YWHAZ: variants seen among roughly 807,000 people sequenced by gnomAD.
YWHAZ encodes the protein 14-3-3 protein zeta/delta.
For synonymous variants in YWHAZ, 87 were observed against 103.6 expected (o/e 0.84, Z 0.97); for missense variants, 79 against 284.8 (o/e 0.28, Z 5.20).
At chr8:100,942,073 G>C (rs2130301742) in intron 2 of YWHAZ, among the ~76,000 whole-genome samples, 1 of 152,240 alleles carries the variant, frequency 6.6e-6, no homozygotes, top group African/African-American at 2.4e-5. Flanking sequence ...ATTTGGGGAA[G>C]GAAGGCTCAC....
intron 2 of YWHAZ, among the ~76,000 whole-genome samples, chr8:100,946,444 G>C (rs529755555): frequency 2.0e-3 from 298 of 152,276 alleles, no homozygotes; most frequent in African/African-American, 6.5e-3. Context: ...CCAGCTACTC[G>C]GGAGGTCAAG....
chr8:100,940,495 A>G (rs1297311416), intron 2 of YWHAZ, among the ~76,000 whole-genome samples: 1 of 152,226 alleles, frequency 6.6e-6, no homozygotes, highest in Non-Finnish European at 1.5e-5. Flanking sequence ...TCCAGACTGA[A>G]GAGCAGGGGC....
intron 2 of YWHAZ, among the ~76,000 whole-genome samples, chr8:100,937,824 C>CTAATTA (rs1563681108): frequency 6.6e-6 from 1 of 152,088 alleles, no homozygotes; most frequent in African/African-American, 2.4e-5. Context: ...GTACAGCACC[C>CTAATTA]TAATTATAGT....
chr8:100,952,363 C>G (rs891607812), upstream of YWHAZ: 3 of 161,374 alleles, frequency 1.9e-5, no homozygotes, highest in Admixed American at 2.0e-4. Context: ...TCCCCCACTC[C>G]TCGCCTTCCC....
At chr8:100,920,809 C>T (rs890348128) in intron 5 of YWHAZ, 57 bp from the exon 6 acceptor site, 16 of 864,956 alleles carry the variant, frequency 1.8e-5, no homozygotes, top group South Asian at 1.0e-4. Context: ...GGGGGGGGGG[C>T]GTTTTCATAT....
chr8:100,941,311 T>G (rs991915266), intron 2 of YWHAZ, among the ~76,000 whole-genome samples: 1 of 152,212 alleles, frequency 6.6e-6, no homozygotes, highest in Admixed American at 6.5e-5. Context: ...GCAAAAAAAT[T>G]ATAAGCTGAG....
At position 100,917,847 on chromosome 8, in the gene YWHAZ, T is replaced by C. The variant is rs1299150278; in HGVS notation, c.*2846A>G. 6.6e-6 allele frequency: 1 copy of C among 152,242 alleles called. No homozygotes were observed. The highest frequency in any genetic ancestry group is 6.5e-5 in the Admixed American group (1 of 15,276). The allele number at this position is 152,242 out of a possible 1,614,324, so 9.4% of individuals were successfully genotyped here. A position where few individuals can be genotyped will look rare whatever the true frequency, so the allele number is the denominator to read the frequency against. The stretch of plus-strand genomic sequence containing the variant: ...GCCTGGATTTGGGACAATCAAGGAA[T>C]AGTTACAAACACATTATTCAAATTC... On this transcript the variant is annotated 3_prime_UTR_variant, in exon 6 of 6. Coordinates refer to ENST00000395958, the MANE Select transcript of YWHAZ (RefSeq NM_145690.3).
rs2130071678 is a variant in YWHAZ, at chr8:100,919,965, A to C, written c.*728T>G. On this transcript the variant is annotated 3_prime_UTR_variant, in exon 6 of 6. Coordinates refer to ENST00000395958, the MANE Select transcript of YWHAZ (RefSeq NM_145690.3). ...GTGCTTGATATACATGAAGTAATGA[A>C]TACCAAGCAATTCATTTTTCCTGCA... is the stretch of plus-strand genomic sequence containing the variant. 1.3e-5 allele frequency: 2 copies of C among 152,712 alleles called. No individual in the cohort carries two copies. Among genetic ancestry groups the C allele is most frequent in the East Asian group, 3.9e-4 (2 of 5,190 alleles). 9.5% of individuals were successfully genotyped at this position (152,712 alleles called of 1,614,324 possible).
chr8:100,950,330 CT>C, intron 1 of YWHAZ: 1 of 972,510 alleles, frequency 1.0e-6, no homozygotes, highest in South Asian at 4.8e-5. Flanking sequence ...GATAAGGTTT[CT>C]CACACAGTAA....
chr8:100,947,388 T>C (rs542590433), intron 2 of YWHAZ, among the ~76,000 whole-genome samples: 16 of 152,078 alleles, frequency 1.1e-4, no homozygotes, highest in Non-Finnish European at 1.6e-4. Flanking sequence ...ATAGTAGCTA[T>C]CATTCTAAAG....
chr8:100,946,204 A>C (rs1191775833), intron 2 of YWHAZ, among the ~76,000 whole-genome samples: 1 of 152,158 alleles, frequency 6.6e-6, no homozygotes, highest in Non-Finnish European at 1.5e-5. Context: ...ATGCAAACAA[A>C]GTTTCTTCAT....
intron 1 of YWHAZ, 106 bp downstream of exon 1, chr8:100,951,823 C>T: frequency 1.0e-6 from 1 of 985,634 alleles, no homozygotes; most frequent in Non-Finnish European, 1.2e-6. Flanking sequence ...GGCGCCGCCA[C>T]CGCGGGGCGA....
chr8:100,942,216 A>G (rs1374000163), intron 2 of YWHAZ, among the ~76,000 whole-genome samples: 1 of 152,170 alleles, frequency 6.6e-6, no homozygotes, highest in South Asian at 2.1e-4. Context: ...ATTCATCCAC[A>G]TGGCTTTGGT....
At chr8:100,937,948 T>C (rs1814280134) in intron 2 of YWHAZ, among the ~76,000 whole-genome samples, 1 of 152,170 alleles carries the variant, frequency 6.6e-6, no homozygotes, top group Non-Finnish European at 1.5e-5. Flanking sequence ...CTGACCAACA[T>C]GGAGAAATCC....
intron 2 of YWHAZ, among the ~76,000 whole-genome samples, chr8:100,929,778 A>C (rs1045079700): frequency 6.6e-6 from 1 of 152,208 alleles, no homozygotes; most frequent in Non-Finnish European, 1.5e-5. Context: ...CAGATTTGGA[A>C]GCCAGAAGAT....
intron 2 of YWHAZ, among the ~76,000 whole-genome samples, chr8:100,944,149 T>C (rs1284613731): frequency 3.9e-5 from 6 of 152,122 alleles, no homozygotes; most frequent in African/African-American, 1.4e-4. Context: ...TAACAATAGA[T>C]ATAACCCTAC....
Position 100,948,533 on chromosome 8 carries a change from T to C in YWHAZ, c.294+63A>G. The C allele has an allele frequency of 6.6e-7, 1 of 1,507,050 alleles. No individual in the cohort carries two copies. Among genetic ancestry groups the C allele is most frequent in the Non-Finnish European group, 8.9e-7 (1 of 1,119,814 alleles). The allele number at this position is 1,507,050 out of a possible 1,614,324, so 93.4% of individuals were successfully genotyped here. On this transcript the variant is annotated intron_variant, in intron 2 of 5. Coordinates refer to ENST00000395958, the MANE Select transcript of YWHAZ (RefSeq NM_145690.3). This position sits in a 1 kb window ranked among gnomAD's most constrained non-coding sequence, Gnocchi z 4.2. ...GAAAAACCAAACAAAAAGTTAAGAG[T>C]AATGTAACTGATACTCATAGGGACC...
chr8:100,921,514 T>C (rs911700581), intron 5 of YWHAZ, among the ~76,000 whole-genome samples: 9 of 152,106 alleles, frequency 5.9e-5, no homozygotes, highest in African/African-American at 2.2e-4. Context: ...CCAAACAGAA[T>C]CCTATACTCC....
intron 2 of YWHAZ, among the ~76,000 whole-genome samples, chr8:100,946,779 T>C (rs572335039): frequency 7.9e-5 from 12 of 151,548 alleles, no homozygotes; most frequent in African/African-American, 2.9e-4. Flanking sequence ...ACACACCCTT[T>C]GAAGCCAAAA....
Sources: allele counts gnomAD v4.1 joint callset (sites outside exome capture counted in the v4.1 genomes callset), GRCh38; gene constraint gnomAD v4.1.1; non-coding constraint Gnocchi (gnomAD v3.1); transcripts MANE v1.5; gene names NCBI Gene and HGNC (gene_info 2026-07-23, HGNC 2026-07-21).